Variants in FARS2 observed in about 807,000 individuals in gnomAD.
FARS2 encodes phenylalanine--tRNA ligase, mitochondrial.
FARS2 carries 40 observed loss-of-function variants against 46.4 expected under a neutral mutation model. That is an observed-to-expected ratio of 0.86 (90% CI 0.67 to 1.12). FARS2 has a LOEUF of 1.12. Ranked by LOEUF, FARS2 falls within the 50% of genes most tolerant of loss-of-function variation. The pLI, the probability that FARS2 is intolerant of heterozygous loss-of-function variation, is 0.00. For missense variants in FARS2, 513 were observed against 567.9 expected, an observed-to-expected ratio of 0.90 and a Z score of 0.98; for synonymous variants, 234 against 214.9, an observed-to-expected ratio of 1.09 and a Z score of -0.78.
chr6:5,358,867 A>C (rs140820894), intron 1 of FARS2, among the ~76,000 whole-genome samples: 1 of 151,938 alleles, frequency 6.6e-6, no homozygotes, highest in African/African-American at 2.4e-5. Context: ...ATATTTTTCT[A>C]TTTGTTTTTG....
chr6:5,357,777 C>T (rs1401914682), intron 1 of FARS2, among the ~76,000 whole-genome samples: 1 of 152,200 alleles, frequency 6.6e-6, no homozygotes, highest in Non-Finnish European at 1.5e-5. Context: ...GGTTTGAATC[C>T]TGGTGCTGCC....
chr6:5,576,904 A>G (rs886559183), intron 5 of FARS2, among the ~76,000 whole-genome samples: 2 of 151,542 alleles, frequency 1.3e-5, no homozygotes, highest in Admixed American at 6.6e-5. Context: ...GCTGCCTCCT[A>G]TGTCCTTTTG....
chr6:5,633,262 C>CTTTT lies in FARS2; in HGVS notation c.1217+19970_1217+19973dup, dbSNP rs59797062. ...TACAGGTACATGCCACCATCCCTGG[C>CTTTT]TTTTTTTTTTTTTTTTTTTTTTTTT... On this transcript the variant is annotated intron_variant, in intron 6 of 6. Transcript: ENST00000274680. Among the ~76,000 whole-genome samples, 251 of 50,110 alleles carry CTTTT rather than the reference C, an allele frequency of 5.0e-3. 21 individuals carry two copies. The highest frequency in any genetic ancestry group is 8.0e-3 in the African/African-American group (110 of 13,812). The allele number at this position is 50,110 out of a possible 152,430, so 32.9% of individuals were successfully genotyped here.
At chr6:5,739,729 C>T (rs1761199945) in intron 6 of FARS2, among the ~76,000 whole-genome samples, 1 of 152,174 alleles carries the variant, frequency 6.6e-6, no homozygotes, top group African/African-American at 2.4e-5. Context: ...TCCAGGAGGA[C>T]AGTGGGTGAG....
At chr6:5,619,692 A>G (rs1347297501) in intron 6 of FARS2, among the ~76,000 whole-genome samples, 1 of 150,904 alleles carries the variant, frequency 6.6e-6, no homozygotes, top group Non-Finnish European at 1.5e-5. Flanking sequence ...GGTCTTCACC[A>G]TGAGAGGCAC....
intron 5 of FARS2, among the ~76,000 whole-genome samples, chr6:5,565,165 A>G (rs1012823800): frequency 3.3e-5 from 5 of 152,244 alleles, no homozygotes; most frequent in Non-Finnish European, 5.9e-5. Context: ...TTTTGTTTAC[A>G]GGAGTATACC....
At chr6:5,460,487 T>TTGA (rs747620704) in intron 4 of FARS2, among the ~76,000 whole-genome samples, 4 of 152,184 alleles carry the variant, frequency 2.6e-5, no homozygotes, top group Non-Finnish European at 4.4e-5. Context: ...AGGAGTGGGC[T>TTGA]TGAGACTAGG....
rs982188547 is a variant in FARS2, at chr6:5,311,810, A to G, written c.-22+50150A>G. ...GCTCATGTTTGGATCTAGCTGTCAA[A>G]AATGAGAGATAAAAAGCCACTCACA... is the stretch of plus-strand genomic sequence containing the variant. On this transcript the variant is annotated intron_variant, in intron 1 of 6. Transcript: ENST00000274680. The surrounding 1 kb of genome is among the most constrained non-coding windows in gnomAD (Gnocchi z 4.1). 1.3e-5 allele frequency among the ~76,000 whole-genome samples: 2 copies of G among 152,178 alleles called. No individual in the cohort carries two copies. The highest frequency in any genetic ancestry group is 2.9e-5 in the Non-Finnish European group (2 of 68,036).
chr6:5,550,555 C>A (rs1771312265), intron 5 of FARS2, among the ~76,000 whole-genome samples: 1 of 152,222 alleles, frequency 6.6e-6, no homozygotes, highest in Admixed American at 6.5e-5. Flanking sequence ...CATGATGAGC[C>A]ACTGTGCCTT....
chr6:5,259,109 T>C (rs1764819127), upstream of FARS2, among the ~76,000 whole-genome samples: 1 of 152,218 alleles, frequency 6.6e-6, no homozygotes, highest in South Asian at 2.1e-4. Context: ...GGCTCCACCT[T>C]GACTTTCTTA....
chr6:5,594,805 A>C (rs1025811132), intron 5 of FARS2, among the ~76,000 whole-genome samples: 1 of 152,098 alleles, frequency 6.6e-6, no homozygotes, highest in Non-Finnish European at 1.5e-5. Context: ...ATCTCTGAGG[A>C]GGGGTTCGAT....
chr6:5,730,179 T>C (rs1372210424), intron 6 of FARS2, among the ~76,000 whole-genome samples: 1 of 151,576 alleles, frequency 6.6e-6, no homozygotes, highest in Non-Finnish European at 1.5e-5. Context: ...TGTCCATCTG[T>C]CCATGTAGCT....
At chr6:5,346,944 C>T (rs1339099878) in intron 1 of FARS2, among the ~76,000 whole-genome samples, 6 of 149,208 alleles carry the variant, frequency 4.0e-5, no homozygotes, top group African/African-American at 9.9e-5. Flanking sequence ...GATGGAGCCT[C>T]GTTCTGTCAC....
rs192074586 is a variant in FARS2 at position 5,765,401 on chromosome 6, G to A, written c.1218-5890G>A. On this transcript the variant is annotated intron_variant, in intron 6 of 6. Coordinates refer to ENST00000274680, the MANE Select transcript of FARS2 (RefSeq NM_006567.5). This position sits in a 1 kb window ranked among gnomAD's most constrained non-coding sequence, Gnocchi z 4.0. ...AGCTGACGGGCGGCAGTGGGAGAGT[G>A]GAAGAGGTGGGCCCTGGGCACAGCA... is the stretch of plus-strand genomic sequence containing the variant. 4.0e-4 allele frequency among the ~76,000 whole-genome samples: 61 copies of A among 152,374 alleles called. No individual in the cohort carries two copies. The highest frequency in any genetic ancestry group is 1.3e-3 in the African/African-American group (56 of 41,596).
At chr6:5,366,451 G>A (rs1758684670) in intron 1 of FARS2, among the ~76,000 whole-genome samples, 1 of 152,172 alleles carries the variant, frequency 6.6e-6, no homozygotes, top group Non-Finnish European at 1.5e-5. Flanking sequence ...ATCTCTCTCT[G>A]TTAGAGATAG....
chr6:5,710,948 CCCTGGACTGAA>C (rs1759106780), intron 6 of FARS2, among the ~76,000 whole-genome samples: 6 of 152,160 alleles, frequency 3.9e-5, no homozygotes, highest in Non-Finnish European at 8.8e-5. Flanking sequence ...GAACAAACAG[CCCTGGACTGAA>C]AGCTGCTAAC....
intron 5 of FARS2, among the ~76,000 whole-genome samples, 189 bp from the exon 6 acceptor site, chr6:5,612,977 ATAT>A (rs1775270183): frequency 6.6e-6 from 1 of 152,244 alleles, no homozygotes; most frequent in Non-Finnish European, 1.5e-5. Context: ...AGAATCTGTA[ATAT>A]TCATAATGGA....
At chr6:5,494,645 C>A (rs1427378611) in intron 4 of FARS2, among the ~76,000 whole-genome samples, 1 of 152,170 alleles carries the variant, frequency 6.6e-6, no homozygotes, top group East Asian at 1.9e-4. Flanking sequence ...CCATCCTTTC[C>A]ACTTGGAGTA....
chr6:5,671,611 C>A (rs1223040395), intron 6 of FARS2, among the ~76,000 whole-genome samples: 2 of 152,232 alleles, frequency 1.3e-5, no homozygotes, highest in Admixed American at 1.3e-4. Context: ...CTTCCTAAGC[C>A]TTCCAGCCTG....
Sources: gnomAD v4.1 joint callset for allele counts (sites outside exome capture counted in the v4.1 genomes callset) on GRCh38, gnomAD v4.1.1 for gene constraint, Gnocchi (gnomAD v3.1) non-coding constraint, MANE v1.5 for transcripts, NCBI Gene and HGNC (gene_info 2026-07-23, HGNC 2026-07-21) for gene names.